TGFBRAP1: variants seen among roughly 807,000 people sequenced by gnomAD.
TGFBRAP1 encodes the protein transforming growth factor-beta receptor-associated protein 1.
A neutral mutation model predicts 83.2 loss-of-function variants in TGFBRAP1; 20 were observed. The ratio of observed to expected loss-of-function variants is 0.24; its 90% CI spans 0.17 to 0.35. The LOEUF is 0.35. Ranked by LOEUF, TGFBRAP1 falls within the 10% of genes least tolerant of loss-of-function variation. TGFBRAP1 has a pLI of 1.00. For missense variants in TGFBRAP1, 950 were observed against 1,099.4 expected, an observed-to-expected ratio of 0.86 and a Z score of 1.92; for synonymous variants, 415 against 459.8, an observed-to-expected ratio of 0.90 and a Z score of 1.25.
At position 105,269,448 on chromosome 2, in the gene TGFBRAP1, G is replaced by C; in HGVS notation, c.2230C>G (p.His744Asp). Residue 744 changes from histidine to aspartate, a missense_variant, in exon 11 of 12, where the codon CAC becomes GAC. His to Asp is a moderately conservative substitution (Grantham distance 81, BLOSUM62 -1). Transcript: ENST00000393359. This position sits in a 1 kb window ranked among gnomAD's most constrained non-coding sequence, Gnocchi z 4.1. ...TGGGCTGCATCAAATTCGGTGGCGT[G>C]GCGGTTCAGCAGGTCCACGGCAGCC... ...AVAAVDLLNR[H>D]ATEFDAAQVL... is the part of the protein sequence containing the mutation. The C allele has an allele frequency of 6.2e-7, 1 of 1,613,730 alleles. No homozygotes were observed. The highest frequency in any genetic ancestry group is 8.5e-7 in the Non-Finnish European group (1 of 1,179,944).
the TGFBRAP1 span, chr2:105,249,415 G>C: frequency 6.6e-6 from 1 of 151,664 alleles, no homozygotes; most frequent in African/African-American, 2.4e-5. Context: ...TTCACAAAGA[G>C]CCTTTGTTTA....
chr2:105,272,326 C>T (rs1475020754), intron 10 of TGFBRAP1, among the ~76,000 whole-genome samples: 2 of 152,154 alleles, frequency 1.3e-5, no homozygotes, highest in Non-Finnish European at 2.9e-5. Flanking sequence ...TTGAGCAGCT[C>T]GGGAATGGGT....
chr2:105,316,988 A>G (rs542779447), intron 1 of TGFBRAP1, among the ~76,000 whole-genome samples: 1 of 152,192 alleles, frequency 6.6e-6, no homozygotes, highest in Non-Finnish European at 1.5e-5. Flanking sequence ...GCCCAGAAAC[A>G]GGCCATGCAT....
intron 2 of TGFBRAP1, among the ~76,000 whole-genome samples, chr2:105,302,442 C>T (rs1377716784): frequency 1.3e-5 from 2 of 152,102 alleles, no homozygotes; most frequent in Non-Finnish European, 2.9e-5. Context: ...ATAGATGGAA[C>T]GCATTATGGT....
Position 105,269,508 on chromosome 2 carries a change from G to A in TGFBRAP1, c.2170C>T (p.Leu724=), listed in dbSNP as rs532214494. ...TCGTGGGCAGTGGGGCCAGCATGCA[G>A]GTAGATGGCCAGCAGCGTGTGAAAG... ...QLFHTLLAIY[L]HAGPTAHELA... The change falls in exon 11 of 12, where the codon CTG becomes TTG. Residue 724 remains leucine (L), a synonymous_variant. Transcript: ENST00000393359. The surrounding 1 kb of genome is among the most constrained non-coding windows in gnomAD (Gnocchi z 4.1). The A allele has an allele frequency of 1.2e-6, 2 of 1,613,088 alleles. No homozygotes were observed. Among genetic ancestry groups the A allele is most frequent in the South Asian group, 1.1e-5 (1 of 90,962 alleles).
chr2:105,313,613 A>G lies in TGFBRAP1; in HGVS notation c.-17-5295T>C, dbSNP rs79439567. ...AGTAAAACTTTGATATTCAAGCCAG[A>G]TAAGGATACAGGAAAAAAGAAAAAT... is the stretch of plus-strand genomic sequence containing the variant. On this transcript the variant is annotated intron_variant, in intron 1 of 11. Coordinates refer to ENST00000393359, the MANE Select transcript of TGFBRAP1 (RefSeq NM_004257.6). Among the ~76,000 whole-genome samples, 1,237 of 152,334 alleles carry G rather than the reference A, an allele frequency of 8.1e-3. 19 individuals are homozygous for G. Among genetic ancestry groups the G allele is most frequent in the African/African-American group, 0.029 (1,190 of 41,566 alleles).
intron 2 of TGFBRAP1, among the ~76,000 whole-genome samples, chr2:105,304,976 G>A (rs1331779480): frequency 6.6e-6 from 1 of 152,204 alleles, no homozygotes; most frequent in African/African-American, 2.4e-5. Flanking sequence ...GGACTTTTAA[G>A]GTGGTGAAAG....
At chr2:105,261,298 T>C (rs1051784711), downstream of TGFBRAP1, among the ~76,000 whole-genome samples, 1 of 152,166 alleles carries the variant, frequency 6.6e-6, no homozygotes, top group African/African-American at 2.4e-5. Context: ...AGCGTCATCT[T>C]AGCTCACATT....
rs1216172126 is a variant in TGFBRAP1, at chr2:105,267,547, C to G, written c.2419G>C (p.Gly807Arg). The G allele has an allele frequency of 1.7e-5, 28 of 1,614,048 alleles. No individual in the cohort carries two copies. Among genetic ancestry groups the G allele is most frequent in the Non-Finnish European group, 2.2e-5 (26 of 1,180,044 alleles). ...TTGTCTGAGAGTTGGATTGAGCTTCCTTTCAACTTCATCTGCAAGAAGAAA... is the reference window on the plus strand; with the variant it reads ...TTGTCTGAGAGTTGGATTGAGCTTCGTTTCAACTTCATCTGCAAGAAGAAA... ...IYTYDKMKLK[G>R]SSIQLSDKKL... The change falls in exon 12 of 12, where the codon GGA becomes CGA. Residue 807 changes from glycine to arginine, a missense_variant. By Grantham distance (125) the Gly-to-Arg change is moderately radical. Transcript: ENST00000393359.
chr2:105,261,586 T>C (rs1445829920), downstream of TGFBRAP1, among the ~76,000 whole-genome samples: 1 of 152,012 alleles, frequency 6.6e-6, no homozygotes, highest in Non-Finnish European at 1.5e-5. Flanking sequence ...ACCCTATCTC[T>C]ACTAAAAATA....
At chr2:105,318,122 T>C (rs1257544431) in intron 1 of TGFBRAP1, among the ~76,000 whole-genome samples, 1 of 152,184 alleles carries the variant, frequency 6.6e-6, no homozygotes, top group Non-Finnish European at 1.5e-5. Context: ...GCATCTGCCT[T>C]ACTGAGTCTG....
At chr2:105,318,036 C>T (rs1414825666) in intron 1 of TGFBRAP1, among the ~76,000 whole-genome samples, 2 of 152,254 alleles carry the variant, frequency 1.3e-5, no homozygotes, top group African/African-American at 2.4e-5. Flanking sequence ...GGGGAAGGTT[C>T]GGAGCTGGTA....
intron 4 of TGFBRAP1, among the ~76,000 whole-genome samples, chr2:105,287,935 C>A (rs1677772844): frequency 6.6e-6 from 1 of 151,986 alleles, no homozygotes; most frequent in African/African-American, 2.4e-5. Flanking sequence ...AGCACCGACA[C>A]CTTCACGTGA....
intron 3 of TGFBRAP1, 80 bp downstream of exon 3, chr2:105,298,431 A>T: frequency 6.9e-7 from 1 of 1,452,364 alleles, no homozygotes; most frequent in Non-Finnish European, 9.3e-7. Flanking sequence ...CGCAAGGCCC[A>T]GTTCCTAAAT....
chr2:105,302,075 T>C (rs770573139), intron 2 of TGFBRAP1, among the ~76,000 whole-genome samples: 2 of 139,300 alleles, frequency 1.4e-5, no homozygotes, highest in African/African-American at 5.4e-5. Flanking sequence ...GAAATGTAAA[T>C]GGCTTTTAAA....
At chr2:105,262,293 T>C (rs1676807171), downstream of TGFBRAP1, among the ~76,000 whole-genome samples, 1 of 152,090 alleles carries the variant, frequency 6.6e-6, no homozygotes, top group Non-Finnish European at 1.5e-5. Context: ...TACCTCCCCG[T>C]GGTAAAGAGT....
chr2:105,294,373 G>T (rs1372413163), intron 4 of TGFBRAP1, among the ~76,000 whole-genome samples: 2 of 151,686 alleles, frequency 1.3e-5, no homozygotes, highest in East Asian at 3.9e-4. Context: ...GGTGGGGTCA[G>T]CCATGCTTCA....
chr2:105,251,479 GC>G, the TGFBRAP1 span, among the ~76,000 whole-genome samples: 1 of 151,282 alleles, frequency 6.6e-6, no homozygotes, highest in East Asian at 2.0e-4. Flanking sequence ...GAAGTGAGGA[GC>G]GTCTCCGCCC....
At chr2:105,275,054 G>A (rs1677289769) in intron 8 of TGFBRAP1, among the ~76,000 whole-genome samples, 1 of 152,142 alleles carries the variant, frequency 6.6e-6, no homozygotes, top group African/African-American at 2.4e-5. Flanking sequence ...AGGACAGGCC[G>A]AGTCTTGCTC....
Sources: allele counts gnomAD v4.1 joint callset (sites outside exome capture counted in the v4.1 genomes callset), GRCh38; gene constraint gnomAD v4.1.1; non-coding constraint Gnocchi (gnomAD v3.1); transcripts MANE v1.5; gene names NCBI Gene and HGNC (gene_info 2026-07-23, HGNC 2026-07-21).